Variants in DOCK1 observed in about 807,000 individuals in gnomAD.
The protein encoded by DOCK1 is dedicator of cytokinesis 1.
A neutral mutation model predicts 262.7 loss-of-function variants in DOCK1; 138 were observed. The ratio of observed to expected loss-of-function variants is 0.53; its 90% CI spans 0.46 to 0.61. The LOEUF is 0.61. DOCK1 is among the 20% of genes least tolerant of loss of function. DOCK1 has a pLI of 0.00. For missense variants in DOCK1, 1,908 were observed against 2,370.7 expected (o/e 0.80, Z 4.05); for synonymous variants, 866 against 867.4 (o/e 1.00, Z 0.03).
Position 127,384,778 on chromosome 10 carries a change from C to T in DOCK1, c.3808-12C>T, listed in dbSNP as rs189524534. On this transcript the variant is annotated splice_polypyrimidine_tract_variant and intron_variant, in intron 37 of 51. Transcript: ENST00000623213. ...CCGCCTCGGGTCCGCTCATGCTATG[C>T]TTCTCCCTTAGTGGTCGGAGGATGT... 3.2e-4 allele frequency: 497 copies of T among 1,558,920 alleles called. 1 individual carries two copies. Among genetic ancestry groups the T allele is most frequent in the Non-Finnish European group, 4.2e-4 (484 of 1,158,664 alleles).
chr10:126,997,622 C>T (rs1439053164), intron 7 of DOCK1, among the ~76,000 whole-genome samples: 1 of 152,026 alleles, frequency 6.6e-6, no homozygotes, highest in East Asian at 1.9e-4. Flanking sequence ...ATCCAGTCAC[C>T]TCCCACCAGT....
chr10:127,429,088 G>C (rs543073479), intron 47 of DOCK1, among the ~76,000 whole-genome samples: 14 of 151,002 alleles, frequency 9.3e-5, no homozygotes, highest in Non-Finnish European at 1.3e-4. Context: ...GTGGATTGGG[G>C]TGCCGTGTGG....
At chr10:126,946,605 T>G (rs1291611184) in intron 1 of DOCK1, among the ~76,000 whole-genome samples, 2 of 152,116 alleles carry the variant, frequency 1.3e-5, no homozygotes, top group South Asian at 2.1e-4. Context: ...ACTTCTAATC[T>G]ATTATATTTT....
chr10:127,401,746 A>G lies in DOCK1; in HGVS notation c.3928-1309A>G, dbSNP rs534375878. On this transcript the variant is annotated intron_variant, in intron 38 of 51. Transcript: ENST00000623213. Reference sequence around the variant, plus strand: ...GACAGTGTACACCTGCCTGACCATCATCTGACGGTCACCTGACTTTCCTGG... The same window carrying G: ...GACAGTGTACACCTGCCTGACCATCGTCTGACGGTCACCTGACTTTCCTGG... 1.9e-4 allele frequency among the ~76,000 whole-genome samples: 29 copies of G among 152,242 alleles called. 1 individual carries two copies. In the South Asian group the frequency reaches 5.6e-3, roughly 29 times the overall value.
intron 10 of DOCK1, among the ~76,000 whole-genome samples, chr10:127,005,993 A>G (rs1182355062): frequency 6.6e-6 from 1 of 152,200 alleles, no homozygotes; most frequent in Non-Finnish European, 1.5e-5. Flanking sequence ...CGGCTTCTCA[A>G]TGGCTGCAGC....
chr10:127,319,794 A>C (rs572498736), intron 29 of DOCK1, among the ~76,000 whole-genome samples: 1 of 152,190 alleles, frequency 6.6e-6, no homozygotes, highest in South Asian at 2.1e-4. Flanking sequence ...CTGCCTTACT[A>C]ATTGTGTTTA....
At chr10:127,183,506 G>T (rs1314760258) in intron 27 of DOCK1, among the ~76,000 whole-genome samples, 1 of 152,180 alleles carries the variant, frequency 6.6e-6, no homozygotes, top group African/African-American at 2.4e-5. Context: ...TTCTTGTAAT[G>T]AGCTTCTATT....
chr10:127,061,549 G>A, intron 22 of DOCK1, 119 bp from the exon 23 acceptor site: 1 of 813,594 alleles, frequency 1.2e-6, no homozygotes, highest in Non-Finnish European at 2.0e-6. Flanking sequence ...AGATGTTGAG[G>A]ATGTGGTCTC....
chr10:126,949,527 G>A (rs1196528131), intron 1 of DOCK1, among the ~76,000 whole-genome samples: 3 of 152,134 alleles, frequency 2.0e-5, no homozygotes, highest in Non-Finnish European at 2.9e-5. Flanking sequence ...CAGGGCATCA[G>A]TACATCCCCT....
At chr10:126,986,865 G>A (rs1228207373) in intron 4 of DOCK1, among the ~76,000 whole-genome samples, 2 of 152,134 alleles carry the variant, frequency 1.3e-5, no homozygotes, top group Non-Finnish European at 2.9e-5. Context: ...AGCCGAGATT[G>A]CACCACTGCA....
At chr10:127,157,365 T>G (rs1334418) in intron 27 of DOCK1, among the ~76,000 whole-genome samples, 1 of 151,852 alleles carries the variant, frequency 6.6e-6, no homozygotes, top group Admixed American at 6.6e-5. Flanking sequence ...CAGGTGAGAG[T>G]GGGGAGAGAT....
Position 127,042,670 on chromosome 10 carries a change from A to C in DOCK1, c.2056A>C (p.Asn686His), listed in dbSNP as rs773196502. ...TGCCCTCTTCAACATCATGATGGAGAACTCAGAGAGTGAGACTTTTGACAC... is the reference window on the plus strand; with the variant it reads ...TGCCCTCTTCAACATCATGATGGAGCACTCAGAGAGTGAGACTTTTGACAC... ...LDALFNIMME[N>H]SESETFDTLV... The change falls in exon 20 of 52, where the codon AAC becomes CAC. Residue 686 changes from asparagine (N) to histidine (H), a missense_variant. By Grantham distance (68) the Asn-to-His change is moderately conservative (BLOSUM62 1). Coordinates refer to ENST00000623213, the MANE Select transcript of DOCK1 (RefSeq NM_001290223.2). 6.2e-7 allele frequency: 1 copy of C among 1,614,180 alleles called. No individual in the cohort carries two copies. The highest frequency in any genetic ancestry group is 8.5e-7 in the Non-Finnish European group (1 of 1,180,036).
intron 23 of DOCK1, among the ~76,000 whole-genome samples, chr10:127,091,997 C>T (rs1272927967): frequency 1.3e-5 from 2 of 152,262 alleles, no homozygotes; most frequent in Non-Finnish European, 1.5e-5. Flanking sequence ...CATAGTATAT[C>T]GTCTAGATTT....
chr10:126,983,181 C>T (rs1444204541), intron 4 of DOCK1, among the ~76,000 whole-genome samples: 1 of 152,172 alleles, frequency 6.6e-6, no homozygotes, highest in Non-Finnish European at 1.5e-5. Context: ...ATTTCCCTGC[C>T]TTTGCTTTGG....
In DOCK1 at chr10:127,000,087, A is replaced by G; in HGVS notation, c.850-85A>G. 3 of 1,498,210 alleles carry G rather than the reference A, an allele frequency of 2.0e-6. No individual in the cohort carries two copies. The South Asian group carries it at 3.8e-5, about 19-fold the overall frequency. The allele number at this position is 1,498,210 out of a possible 1,614,324, so 92.8% of individuals were successfully genotyped here. ...TAAAAACTGGTCTGAGAAGAGTCTCAATCCATTTTTTTACTGTCCTTTTCA... is the reference window on the plus strand; with the variant it reads ...TAAAAACTGGTCTGAGAAGAGTCTCGATCCATTTTTTTACTGTCCTTTTCA... On this transcript the variant is annotated intron_variant, in intron 9 of 51. Coordinates refer to ENST00000623213, the MANE Select transcript of DOCK1 (RefSeq NM_001290223.2).
intron 3 of DOCK1, among the ~76,000 whole-genome samples, chr10:126,981,708 G>C (rs2038990417): frequency 6.6e-6 from 1 of 152,186 alleles, no homozygotes; most frequent in Non-Finnish European, 1.5e-5. Context: ...TGTGTTGCCT[G>C]TTTGCTTCTA....
At chr10:127,009,756 G>A (rs1029825178) in intron 11 of DOCK1, among the ~76,000 whole-genome samples, 2 of 152,132 alleles carry the variant, frequency 1.3e-5, no homozygotes, top group South Asian at 2.1e-4. Context: ...GAAGGGTTTA[G>A]GAGGCGGGTA....
intron 2 of DOCK1, among the ~76,000 whole-genome samples, chr10:126,971,490 G>A (rs1488727418): frequency 2.0e-5 from 3 of 152,004 alleles, no homozygotes; most frequent in African/African-American, 4.8e-5. Flanking sequence ...AGAGCTCACC[G>A]CAGGCAGCCT....
intron 7 of DOCK1, among the ~76,000 whole-genome samples, chr10:126,997,642 TACACACAC>T: frequency 6.6e-6 from 1 of 151,810 alleles, no homozygotes; most frequent in East Asian, 1.9e-4. Context: ...TATATATATA[TACACACAC>T]ACACAGTAGA....
Sources: gnomAD v4.1 joint callset for allele counts (sites outside exome capture counted in the v4.1 genomes callset) on GRCh38, gnomAD v4.1.1 for gene constraint, MANE v1.5 for transcripts, NCBI Gene and HGNC (gene_info 2026-07-23, HGNC 2026-07-21) for gene names.